The following SSBP2 variants were observed in gnomAD, a reference collection of about 807,000 sequenced individuals.
SSBP2 encodes single-stranded DNA-binding protein 2.
SSBP2 carries 17 observed loss-of-function variants against 61.8 expected under a neutral mutation model. That is an observed-to-expected ratio of 0.28 (90% confidence interval 0.19 to 0.41). The LOEUF (loss-of-function observed/expected upper bound fraction) is 0.41, where lower values mean the gene tolerates loss of function less well. SSBP2 is among the 10% of genes least tolerant of loss of function. SSBP2 has a pLI of 1.00. For missense variants in SSBP2, 310 were observed against 458.7 expected, an observed-to-expected ratio of 0.68 and a Z score of 2.96; for synonymous variants, 139 against 141.3, an observed-to-expected ratio of 0.98 and a Z score of 0.12.
chr5:81,499,389 T>C (rs1270642521), intron 5 of SSBP2, among the ~76,000 whole-genome samples: 2 of 152,212 alleles, frequency 1.3e-5, no homozygotes, highest in Non-Finnish European at 2.9e-5. Flanking sequence ...TTCAAGAAGA[T>C]GAGACTTTTC....
intron 15 of SSBP2, among the ~76,000 whole-genome samples, chr5:81,431,263 G>C (rs1435063445): frequency 6.6e-6 from 1 of 152,072 alleles, no homozygotes; most frequent in Non-Finnish European, 1.5e-5. Context: ...ATTACTTTTA[G>C]ATACATTAGG....
chr5:81,435,197 T>A (rs897581454), intron 15 of SSBP2, among the ~76,000 whole-genome samples: 3 of 152,220 alleles, frequency 2.0e-5, no homozygotes, highest in African/African-American at 7.2e-5. Context: ...TTAACTTTGC[T>A]TTGTAAAAAT....
intron 1 of SSBP2, among the ~76,000 whole-genome samples, chr5:81,715,987 G>A (rs993146378): frequency 2.6e-5 from 4 of 152,028 alleles, no homozygotes; most frequent in African/African-American, 9.7e-5. Flanking sequence ...TGCCCAGGAG[G>A]TGGAGGTTGC....
intron 16 of SSBP2, among the ~76,000 whole-genome samples, chr5:81,423,701 T>G (rs546452260): frequency 3.3e-5 from 5 of 151,414 alleles, no homozygotes; most frequent in Admixed American, 1.3e-4. Context: ...GCCAAGATTG[T>G]GCCACTGCAC....
chr5:81,436,174 C>G (rs945499798), intron 15 of SSBP2, among the ~76,000 whole-genome samples: 2 of 105,048 alleles, frequency 1.9e-5, no homozygotes, highest in Admixed American at 1.4e-4. Context: ...GGCAACAGAG[C>G]AAGACTCCAT....
intron 4 of SSBP2, among the ~76,000 whole-genome samples, chr5:81,599,647 C>T (rs1302268665): frequency 2.0e-5 from 3 of 152,230 alleles, no homozygotes; most frequent in Admixed American, 1.3e-4. Flanking sequence ...TCTAAAACAG[C>T]GTTCTTTCAC....
intron 12 of SSBP2, among the ~76,000 whole-genome samples, chr5:81,444,729 T>G (rs1349761131): frequency 6.6e-6 from 1 of 152,188 alleles, no homozygotes; most frequent in Non-Finnish European, 1.5e-5. Flanking sequence ...GAAGATGGGC[T>G]ACATATTTTA....
chr5:81,538,667 A>C (rs1771004467), intron 4 of SSBP2, among the ~76,000 whole-genome samples: 1 of 152,192 alleles, frequency 6.6e-6, no homozygotes, highest in African/African-American at 2.4e-5. Flanking sequence ...TGGGGGCTTT[A>C]AGCTGAAGCC....
chr5:81,546,116 T>G (rs1273028367), intron 4 of SSBP2, among the ~76,000 whole-genome samples: 1 of 152,164 alleles, frequency 6.6e-6, no homozygotes, highest in Non-Finnish European at 1.5e-5. Context: ...ACCTACTGAG[T>G]GTTAGGCATT....
Position 81,741,790 on chromosome 5 carries a change from T to A in SSBP2, c.62+9191A>T, listed in dbSNP as rs541764239. On this transcript the variant is annotated intron_variant, in intron 1 of 16. Transcript: ENST00000320672. The stretch of plus-strand genomic sequence containing the variant: ...CAAAAATCAGCTTTCACTCATGATG[T>A]GGCACTTTTAGAGTTAAGTAATTTT... Among the ~76,000 whole-genome samples, 12 of 152,360 alleles carry A rather than the reference T, an allele frequency of 7.9e-5. No individual in the cohort carries two copies. In the East Asian group the frequency reaches 2.3e-3, roughly 29 times the overall value.
chr5:81,449,763 T>C (rs1279919305), intron 10 of SSBP2, among the ~76,000 whole-genome samples: 1 of 152,230 alleles, frequency 6.6e-6, no homozygotes, highest in East Asian at 1.9e-4. Flanking sequence ...ATTAAGTTAT[T>C]TGAAAAGCTT....
chr5:81,522,382 C>T (rs562606185), intron 4 of SSBP2, among the ~76,000 whole-genome samples: 1 of 151,932 alleles, frequency 6.6e-6, no homozygotes, highest in Admixed American at 6.6e-5. Context: ...GAGTAACGTA[C>T]CTGAGTGATT....
At chr5:81,726,283 T>C (rs1755885054) in intron 1 of SSBP2, among the ~76,000 whole-genome samples, 1 of 152,202 alleles carries the variant, frequency 6.6e-6, no homozygotes, top group South Asian at 2.1e-4. Flanking sequence ...ATAGGAGATG[T>C]AACTAAATCT....
chr5:81,748,302 T>C (rs1252962680), intron 1 of SSBP2, among the ~76,000 whole-genome samples: 4 of 152,222 alleles, frequency 2.6e-5, no homozygotes, highest in African/African-American at 9.6e-5. Context: ...TCTAATTTGC[T>C]TACTAAAGGA....
intron 1 of SSBP2, among the ~76,000 whole-genome samples, chr5:81,716,547 T>C (rs1755183848): frequency 6.6e-6 from 1 of 152,236 alleles, no homozygotes; most frequent in Non-Finnish European, 1.5e-5. Context: ...CACATACTTG[T>C]GTATATAATT....
intron 1 of SSBP2, among the ~76,000 whole-genome samples, chr5:81,696,794 T>C (rs532479311): frequency 3.5e-4 from 54 of 152,290 alleles, no homozygotes; most frequent in African/African-American, 1.2e-3. Context: ...TTTCCTACAC[T>C]AAGAAACACG....
intron 1 of SSBP2, among the ~76,000 whole-genome samples, chr5:81,743,448 A>AGT (rs1199369774): frequency 1.3e-5 from 2 of 152,180 alleles, no homozygotes; most frequent in African/African-American, 4.8e-5. Flanking sequence ...TTATTTTTAT[A>AGT]GTATATATGA....
chr5:81,693,102 G>A (rs1390591261), intron 1 of SSBP2, among the ~76,000 whole-genome samples: 2 of 151,410 alleles, frequency 1.3e-5, no homozygotes, highest in East Asian at 3.9e-4. Flanking sequence ...CTACTCAGGA[G>A]GCCGAGGCAG....
intron 1 of SSBP2, among the ~76,000 whole-genome samples, chr5:81,743,181 AT>A (rs1757145057): frequency 3.9e-5 from 6 of 152,198 alleles, no homozygotes. Flanking sequence ...CAATTCCTCC[AT>A]TTTAAAAACA....
Sources: gnomAD v4.1 joint callset for allele counts (sites outside exome capture counted in the v4.1 genomes callset) on GRCh38, gnomAD v4.1.1 for gene constraint, MANE v1.5 for transcripts, NCBI Gene and HGNC (gene_info 2026-07-23, HGNC 2026-07-21) for gene names.